Variants in CFAP91 observed in about 807,000 individuals in gnomAD.
CFAP91 encodes the protein cilia- and flagella-associated protein 91.
CFAP91 carries 85 observed loss-of-function variants against 95.9 expected under a neutral mutation model. That is an observed-to-expected ratio of 0.89 (90% CI 0.74 to 1.06). The LOEUF is 1.06. Among genes scored for constraint, CFAP91 ranks in the 50% least tolerant of loss-of-function variants. CFAP91 has a pLI of 0.00. For synonymous variants in CFAP91, 335 were observed against 327.5 expected, an observed-to-expected ratio of 1.02 and a Z score of -0.25; for missense variants, 962 against 943.4, an observed-to-expected ratio of 1.02 and a Z score of -0.26.
chr3:119,761,116 A>G (rs1330232499), intron 17 of CFAP91, among the ~76,000 whole-genome samples: 1 of 150,890 alleles, frequency 6.6e-6, no homozygotes, highest in Non-Finnish European at 1.5e-5. Context: ...AAAATTGACA[A>G]ACCTTTAACT....
rs188275606 is a variant in CFAP91 at position 119,761,713 on chromosome 3, A to G, written c.*2-3339A>G. On this transcript the variant is annotated intron_variant, in intron 17 of 17. Coordinates refer to ENST00000273390, the MANE Select transcript of CFAP91 (RefSeq NM_033364.4). Reference sequence around the variant, plus strand: ...CAAATCTATAAATGTGATATACCATATTAACAGAATAAAGGACAAAAATCA... The same window carrying G: ...CAAATCTATAAATGTGATATACCATGTTAACAGAATAAAGGACAAAAATCA... Among the ~76,000 whole-genome samples the G allele has an allele frequency of 7.0e-4, 106 of 152,130 alleles. 2 individuals are homozygous for G. The highest frequency in any genetic ancestry group is 6.8e-3 in the Middle Eastern group (2 of 294).
chr3:119,714,497 A>T (rs2053539068), intron 5 of CFAP91, among the ~76,000 whole-genome samples: 1 of 152,222 alleles, frequency 6.6e-6, no homozygotes, highest in African/African-American at 2.4e-5. Flanking sequence ...AATCAATGCT[A>T]GGTACTTTCA....
intron 14 of CFAP91, among the ~76,000 whole-genome samples, chr3:119,746,477 G>A (rs2054220694): frequency 6.6e-6 from 1 of 152,178 alleles, no homozygotes; most frequent in Admixed American, 6.5e-5. Context: ...CTGCTCTTCT[G>A]CTCCTAGGTC....
chr3:119,730,323 C>T lies in CFAP91; in HGVS notation c.964C>T (p.Leu322=). The T allele has an allele frequency of 6.2e-7, 1 of 1,614,072 alleles. No homozygotes were observed. The highest frequency in any genetic ancestry group is 8.5e-7 in the Non-Finnish European group (1 of 1,180,008). ...MKHLNARWSK[L]QEGKEAKMAK... Reference sequence around the variant, plus strand: ...GCACTTGAATGCCCGGTGGTCTAAACTGCAGGAGGGAAAAGAGGCAAAAAT... The same window carrying T: ...GCACTTGAATGCCCGGTGGTCTAAATTGCAGGAGGGAAAAGAGGCAAAAAT... Residue 322 remains leucine, a synonymous_variant, in exon 8 of 18, where the codon CTG becomes TTG. Coordinates refer to ENST00000273390, the MANE Select transcript of CFAP91 (RefSeq NM_033364.4).
intron 11 of CFAP91, among the ~76,000 whole-genome samples, chr3:119,738,716 A>G (rs1166856686): frequency 6.6e-6 from 1 of 152,016 alleles, no homozygotes; most frequent in Non-Finnish European, 1.5e-5. Flanking sequence ...TTTACATTCA[A>G]AGGAATCTTA....
At chr3:119,735,625 G>A (rs565272368) in intron 10 of CFAP91, among the ~76,000 whole-genome samples, 65 of 152,282 alleles carry the variant, frequency 4.3e-4, no homozygotes, top group Non-Finnish European at 8.4e-4. Context: ...GAAATTTCAT[G>A]AGGCTTGCTT....
At chr3:119,753,001 T>A (rs186364633) in intron 17 of CFAP91, among the ~76,000 whole-genome samples, 13 of 152,266 alleles carry the variant, frequency 8.5e-5, no homozygotes, top group African/African-American at 2.4e-4. Flanking sequence ...TATTCAATGA[T>A]GTCTAGGGAA....
At chr3:119,732,003 C>T (rs577981877) in intron 8 of CFAP91, among the ~76,000 whole-genome samples, 1 of 152,176 alleles carries the variant, frequency 6.6e-6, no homozygotes, top group Non-Finnish European at 1.5e-5. Flanking sequence ...TTACTGAATA[C>T]CTCTTCTTGG....
intron 11 of CFAP91, 79 bp from the exon 12 acceptor site, chr3:119,739,176 A>G: frequency 8.0e-7 from 1 of 1,243,004 alleles, no homozygotes; most frequent in Non-Finnish European, 1.2e-6. Flanking sequence ...GTTTTGCTTG[A>G]AATAAGTCTT....
intron 14 of CFAP91, 66 bp downstream of exon 14, chr3:119,744,262 C>A: frequency 7.6e-7 from 1 of 1,308,600 alleles, no homozygotes; most frequent in Non-Finnish European, 1.1e-6. Flanking sequence ...AAAGGAAGCT[C>A]ATGACATAAA....
chr3:119,743,719 C>T (rs1359369345), intron 13 of CFAP91, among the ~76,000 whole-genome samples: 4 of 152,206 alleles, frequency 2.6e-5, no homozygotes, highest in Non-Finnish European at 2.9e-5. Context: ...CTAACAGAAA[C>T]GTCTTGCTAA....
At chr3:119,729,144 C>T (rs2053844017) in intron 7 of CFAP91, among the ~76,000 whole-genome samples, 1 of 152,144 alleles carries the variant, frequency 6.6e-6, no homozygotes, top group Admixed American at 6.5e-5. Flanking sequence ...GGAGGACAGA[C>T]TAGCAGCTAG....
At chr3:119,761,781 C>G (rs2054542312) in intron 17 of CFAP91, among the ~76,000 whole-genome samples, 1 of 151,634 alleles carries the variant, frequency 6.6e-6, no homozygotes, top group Non-Finnish European at 1.5e-5. Flanking sequence ...TTGACAAATT[C>G]AATATTCTTT....
chr3:119,726,019 G>T (rs954865659), intron 6 of CFAP91, 152 bp from the exon 7 acceptor site: 33 of 536,744 alleles, frequency 6.1e-5, no homozygotes, highest in Non-Finnish European at 1.0e-4. Flanking sequence ...AAGCTGTGAG[G>T]CACATCTAGA....
At chr3:119,738,330 G>GTTTTTTTTTTTTTTTTTTTTTTTT (rs1559761130) in intron 11 of CFAP91, among the ~76,000 whole-genome samples, 5 of 23,706 alleles carry the variant, frequency 2.1e-4, no homozygotes, top group Admixed American at 6.5e-4. Context: ...TTGACATATT[G>GTTTTTTTTTTTTTTTTTTTTTTTT]TCTTTTTTTT....
intron 12 of CFAP91, 46 bp downstream of exon 12, chr3:119,739,372 A>T: frequency 6.5e-7 from 1 of 1,537,234 alleles, no homozygotes; most frequent in South Asian, 1.1e-5. Flanking sequence ...TTTGAGAATA[A>T]ATTTTTTAGA....
intron 17 of CFAP91, among the ~76,000 whole-genome samples, chr3:119,751,317 C>A (rs2054321350): frequency 6.6e-6 from 1 of 152,026 alleles, no homozygotes; most frequent in Non-Finnish European, 1.5e-5. Context: ...TCTTGTGATA[C>A]AAAAAAGAGG....
intron 7 of CFAP91, among the ~76,000 whole-genome samples, chr3:119,726,689 C>A (rs2053790790): frequency 6.6e-6 from 1 of 152,066 alleles, no homozygotes; most frequent in Non-Finnish European, 1.5e-5. Flanking sequence ...GTCACAGAAT[C>A]CCACTAATTT....
Position 119,703,268 on chromosome 3 carries a change from C to A in CFAP91, c.124+46C>A, listed in dbSNP as rs1218629930. The A allele has an allele frequency of 1.9e-6, 3 of 1,601,166 alleles. No homozygotes were observed. In the South Asian group the frequency reaches 3.4e-5, roughly 18 times the overall value. ...TCCTCCGCGTCCGTCGCCTCCTAGG[C>A]CAGGTGGGCTCCCAGATGGTGGGAC... On this transcript the variant is annotated intron_variant, in intron 1 of 17. Coordinates refer to ENST00000273390, the MANE Select transcript of CFAP91 (RefSeq NM_033364.4).
Sources: allele counts gnomAD v4.1 joint callset (sites outside exome capture counted in the v4.1 genomes callset), GRCh38; gene constraint gnomAD v4.1.1; transcripts MANE v1.5; gene names NCBI Gene and HGNC (gene_info 2026-07-23, HGNC 2026-07-21).